Variants in ELP1 observed in about 807,000 individuals in gnomAD.
The protein encoded by ELP1 is elongator acetyltransferase complex subunit 1, also known as elongator complex protein 1.
Under a neutral mutation model 183.2 loss-of-function variants are expected in ELP1, and 131 were observed. That is an observed-to-expected ratio of 0.72 (90% CI 0.62 to 0.83). The LOEUF (loss-of-function observed/expected upper bound fraction) is 0.83. ELP1 is among the 40% of genes least tolerant of loss of function. The pLI is 0.00. For missense variants in ELP1, 1,550 were observed against 1,594.9 expected, an observed-to-expected ratio of 0.97 and a Z score of 0.48; for synonymous variants, 555 against 569.0, an observed-to-expected ratio of 0.98 and a Z score of 0.35.
chr9:108,898,812 C>A, intron 20 of ELP1, 63 bp from the exon 21 acceptor site: 1 of 1,076,664 alleles, frequency 9.3e-7, no homozygotes, highest in Admixed American at 1.7e-5. Context: ...ATGGGCCCAG[C>A]ATATTTTCAT....
In ELP1 at chr9:108,868,732, T is replaced by C; in HGVS notation, c.*383A>G. The stretch of plus-strand genomic sequence containing the variant: ...CCAAATGTAGCACTAATAGCCATTG[T>C]AATCTTCTCCGCCAACAAAATAAGA... On this transcript the variant is annotated 3_prime_UTR_variant, in exon 37 of 37. Coordinates refer to ENST00000374647, the MANE Select transcript of ELP1 (RefSeq NM_003640.5). 1 of 551,898 alleles carries C rather than the reference T, an allele frequency of 1.8e-6. No individual in the cohort carries two copies. The highest frequency in any genetic ancestry group is 3.3e-5 in the Admixed American group (1 of 30,150). The allele number at this position is 551,898 out of a possible 1,614,324, so 34.2% of individuals were successfully genotyped here. A position where few individuals can be genotyped will look rare whatever the true frequency, so the allele number is the denominator to read the frequency against.
chr9:108,901,383 T>C (rs756420747), intron 18 of ELP1, 42 bp downstream of exon 18: 16 of 1,382,140 alleles, frequency 1.2e-5, no homozygotes, highest in Admixed American at 3.4e-5. Context: ...CCAAAAGACA[T>C]TGGAGAAGGG....
intron 3 of ELP1, among the ~76,000 whole-genome samples, chr9:108,928,367 C>A (rs1245702703): frequency 6.6e-6 from 1 of 152,126 alleles, no homozygotes; most frequent in Non-Finnish European, 1.5e-5. Flanking sequence ...ACCAAGATCT[C>A]TGGAAAGCAA....
intron 3 of ELP1, among the ~76,000 whole-genome samples, chr9:108,928,063 G>A (rs141039268): frequency 1.5e-4 from 23 of 152,244 alleles, no homozygotes; most frequent in African/African-American, 4.8e-4. Context: ...AAGGATAAAC[G>A]CTTGATGGGA....
In ELP1 at chr9:108,903,656, C is replaced by T. The variant is rs376515761; in HGVS notation, c.1657G>A (p.Val553Met). 6.2e-7 allele frequency: 1 copy of T among 1,613,496 alleles called. No individual in the cohort carries two copies. The highest frequency in any genetic ancestry group is 1.3e-5 in the African/African-American group (1 of 74,882). The change falls in exon 15 of 37, where the codon GTG becomes ATG. Residue 553 changes from valine to methionine, a missense_variant. Transcript: ENST00000374647. ...CATAGACTGATTATGACCCCATCCA[C>T]CGCTGCAGATGAACTGACAAAAAAA... is the stretch of plus-strand genomic sequence containing the variant. ...GQLNVSSSAA[V>M]DGVIISLCCN...
chr9:108,878,175 G>A (rs1222273150), intron 34 of ELP1, 26 bp from the exon 35 acceptor site: 2 of 1,588,526 alleles, frequency 1.3e-6, no homozygotes, highest in Non-Finnish European at 1.7e-6. Flanking sequence ...TTGAAAGAGT[G>A]GTAAGTTATA....
chr9:108,875,545 G>C (rs2118927165), intron 35 of ELP1: 1 of 296,440 alleles, frequency 3.4e-6, no homozygotes, highest in East Asian at 9.9e-5. Flanking sequence ...ACGGTATCCT[G>C]CACATACCAC....
intron 13 of ELP1, among the ~76,000 whole-genome samples, chr9:108,907,882 A>G (rs891431435): frequency 6.6e-6 from 1 of 152,230 alleles, no homozygotes; most frequent in Non-Finnish European, 1.5e-5. Context: ...TTTCCATCCC[A>G]GGAGCCTCAA....
At chr9:108,904,498 T>G (rs1253213858) in intron 14 of ELP1, among the ~76,000 whole-genome samples, 1 of 152,180 alleles carries the variant, frequency 6.6e-6, no homozygotes, top group Non-Finnish European at 1.5e-5. Context: ...AACATTTAAT[T>G]CAAAGTTTTT....
At chr9:108,889,096 A>T (rs1453653643) in intron 29 of ELP1, among the ~76,000 whole-genome samples, 1 of 152,224 alleles carries the variant, frequency 6.6e-6, no homozygotes, top group Non-Finnish European at 1.5e-5. Context: ...CTTTCTACCA[A>T]GGTCAAACCA....
At chr9:108,909,730 C>T (rs1328966225) in intron 12 of ELP1, among the ~76,000 whole-genome samples, 1 of 152,176 alleles carries the variant, frequency 6.6e-6, no homozygotes, top group Non-Finnish European at 1.5e-5. Context: ...GAATCTCTGC[C>T]TCCAGGTGCC....
intron 11 of ELP1, among the ~76,000 whole-genome samples, chr9:108,911,621 GAAT>G (rs1829226656): frequency 6.6e-6 from 1 of 152,108 alleles, no homozygotes. Flanking sequence ...GTATTATGTA[GAAT>G]ATTACACAGA....
At chr9:108,911,447 C>T (rs1198001339) in intron 11 of ELP1, among the ~76,000 whole-genome samples, 2 of 152,120 alleles carry the variant, frequency 1.3e-5, no homozygotes, top group African/African-American at 2.4e-5. Flanking sequence ...GCAAAAAGGC[C>T]AAGAGGTCAG....
At chr9:108,912,596 C>T (rs969194691) in intron 10 of ELP1, 102 bp from the exon 11 acceptor site, 8 of 802,434 alleles carry the variant, frequency 1.0e-5, no homozygotes, top group Non-Finnish European at 1.5e-5. Flanking sequence ...TCAAAGGACC[C>T]TTCCTGCTCA....
Position 108,897,270 on chromosome 9 carries a change from C to T in ELP1, c.2379G>A (p.Thr793=), listed in dbSNP as rs1158825223. 2 of 1,614,056 alleles carry T rather than the reference C, an allele frequency of 1.2e-6. No individual in the cohort carries two copies. Among genetic ancestry groups the T allele is most frequent in the South Asian group, 1.1e-5 (1 of 91,082 alleles). Residue 793 remains threonine, a synonymous_variant, in exon 23 of 37, where the codon ACG becomes ACA. Coordinates refer to ENST00000374647, the MANE Select transcript of ELP1 (RefSeq NM_003640.5). ...TAACTGGTGCAGGGTACATGGTCTT[C>T]GTGACATCTTCTTCTCTAAGAACAG... ...FFTELKEEDV[T]KTMYPAPVTS...
At chr9:108,904,964 C>T (rs1828963486) in intron 14 of ELP1, among the ~76,000 whole-genome samples, 1 of 152,162 alleles carries the variant, frequency 6.6e-6, no homozygotes, top group East Asian at 1.9e-4. Flanking sequence ...GAGATGACTG[C>T]ATCAAGCTTT....
chr9:108,897,876 C>T lies in ELP1; in HGVS notation c.2364-591G>A, dbSNP rs547842506. On this transcript the variant is annotated intron_variant, in intron 22 of 36. Coordinates refer to ENST00000374647, the MANE Select transcript of ELP1 (RefSeq NM_003640.5). ...TTGCCAAAACTCACTAAGTGGCACA[C>T]TTAAGATTTGGACATTTCACTGTAG... 5.3e-5 allele frequency among the ~76,000 whole-genome samples: 8 copies of T among 152,268 alleles called. No homozygotes were observed. In the South Asian group the frequency reaches 1.7e-3, roughly 32 times the overall value.
intron 35 of ELP1, among the ~76,000 whole-genome samples, 171 bp from the exon 36 acceptor site, chr9:108,875,141 C>G (rs1827657806): frequency 6.6e-6 from 1 of 152,178 alleles, no homozygotes. Context: ...GTTTCTCCAG[C>G]TGCAACTCAG....
intron 28 of ELP1, among the ~76,000 whole-genome samples, chr9:108,890,007 C>G (rs1564079181): frequency 1.3e-5 from 2 of 152,206 alleles, no homozygotes; most frequent in Non-Finnish European, 2.9e-5. Context: ...TCTCAAACAT[C>G]TTTGACCACT....
Sources: gnomAD v4.1 joint callset for allele counts (sites outside exome capture counted in the v4.1 genomes callset) on GRCh38, gnomAD v4.1.1 for gene constraint, MANE v1.5 for transcripts, NCBI Gene and HGNC (gene_info 2026-07-23, HGNC 2026-07-21) for gene names.